Variants in FKBP15 observed in about 807,000 individuals in gnomAD.
FKBP15 encodes FKBP prolyl isomerase family member 15, also known as FK506-binding protein 15.
FKBP15 carries 106 observed loss-of-function variants against 158.1 expected under a neutral mutation model. The observed-to-expected ratio is 0.67, with a 90% CI of 0.57 to 0.79. The LOEUF (loss-of-function observed/expected upper bound fraction) is 0.79. Among genes scored for constraint, FKBP15 ranks in the 30% least tolerant of loss-of-function variants. The pLI, the probability that FKBP15 is intolerant of heterozygous loss-of-function variation, is 0.00. For missense variants in FKBP15, 1,287 were observed against 1,479.1 expected, an observed-to-expected ratio of 0.87 and a Z score of 2.13; for synonymous variants, 547 against 548.6, an observed-to-expected ratio of 1.00 and a Z score of 0.04.
At position 113,206,536 on chromosome 9, in the gene FKBP15, T is replaced by C. The variant is rs751270172; in HGVS notation, c.297A>G (p.Ala99=). 1 of 1,613,952 alleles carries C rather than the reference T, an allele frequency of 6.2e-7. No individual in the cohort carries two copies. Among genetic ancestry groups the C allele is most frequent in the South Asian group, 1.1e-5 (1 of 91,076 alleles). ...CTCTGGCTGTGTGGTTCCCCAGAAC[T>C]GCAGCACCAAATTTGCCCTGCTTTA... ...QYVKQGKFGA[A]VLGNHTAREY... The change falls in exon 4 of 28, where the codon GCA becomes GCG. Residue 99 remains alanine, a synonymous_variant. Transcript: ENST00000238256.
At chr9:113,207,845 A>C (rs571522817) in intron 2 of FKBP15, among the ~76,000 whole-genome samples, 7 of 152,294 alleles carry the variant, frequency 4.6e-5, no homozygotes, top group Admixed American at 1.3e-4. Flanking sequence ...CCATGACTCC[A>C]ACTCCCAACC....
intron 15 of FKBP15, 99 bp downstream of exon 15, chr9:113,186,150 A>C (rs1830481191): frequency 2.6e-6 from 2 of 757,396 alleles, no homozygotes; most frequent in East Asian, 2.7e-5. Flanking sequence ...GAGAAGAAAC[A>C]ATGAGTAGAG....
chr9:113,216,945 G>A (rs1221439743), intron 1 of FKBP15, among the ~76,000 whole-genome samples: 3 of 142,762 alleles, frequency 2.1e-5, no homozygotes, highest in East Asian at 2.0e-4. Flanking sequence ...TGCTCTTGGC[G>A]TCCAGGCTGG....
intron 1 of FKBP15, among the ~76,000 whole-genome samples, chr9:113,219,704 T>C (rs921610567): frequency 2.6e-5 from 4 of 152,326 alleles, no homozygotes; most frequent in Admixed American, 2.6e-4. Flanking sequence ...TGTCATTACC[T>C]ATCCCATAAT....
Position 113,190,585 on chromosome 9 carries a change from A to G in FKBP15, c.1066-7T>C. 1 of 1,599,300 alleles carries G rather than the reference A, an allele frequency of 6.3e-7. No homozygotes were observed. Among genetic ancestry groups the G allele is most frequent in the Non-Finnish European group, 8.5e-7 (1 of 1,171,810 alleles). ...CTTTGACTGCATCGGGACTCTAAAA[A>G]GAGAGGAAAGTCACAAAAATCACTG... On this transcript the variant is annotated splice_polypyrimidine_tract_variant and splice_region_variant and intron_variant, in intron 11 of 27. Transcript: ENST00000238256.
chr9:113,176,295 T>C (rs1587953368), intron 21 of FKBP15, among the ~76,000 whole-genome samples: 1 of 152,196 alleles, frequency 6.6e-6, no homozygotes, highest in Non-Finnish European at 1.5e-5. Context: ...TACATACATG[T>C]ATGTGTGTGA....
chr9:113,198,666 C>T lies in FKBP15; in HGVS notation c.717+189G>A, dbSNP rs1350894356. 3.3e-5 allele frequency among the ~76,000 whole-genome samples: 5 copies of T among 152,154 alleles called. No homozygotes were observed. Among genetic ancestry groups the T allele is most frequent in the Admixed American group, 1.3e-4 (2 of 15,276 alleles). On this transcript the variant is annotated intron_variant, in intron 8 of 27. Coordinates refer to ENST00000238256, the MANE Select transcript of FKBP15 (RefSeq NM_015258.2). The surrounding 1 kb of genome is among the most constrained non-coding windows in gnomAD (Gnocchi z 5.2). ...ACTAGGGAGGCTGAGGCAGGAGAATCGCTTGAACCTGGGAGGTGGAGGTTG... is the reference window on the plus strand; with the variant it reads ...ACTAGGGAGGCTGAGGCAGGAGAATTGCTTGAACCTGGGAGGTGGAGGTTG...
At position 113,162,804 on chromosome 9, in the gene FKBP15, G is replaced by T; in HGVS notation, c.*3274C>A. 6.2e-7 allele frequency: 1 copy of T among 1,613,606 alleles called. No homozygotes were observed. The highest frequency in any genetic ancestry group is 8.5e-7 in the Non-Finnish European group (1 of 1,179,752). On this transcript the variant is annotated 3_prime_UTR_variant, in exon 28 of 28. Transcript: ENST00000238256. ...AATCCATGTCATCCAGGTGGTCATCGGCTACTTCATCATGCTGGCCGTAAT... is the reference window on the plus strand; with the variant it reads ...AATCCATGTCATCCAGGTGGTCATCTGCTACTTCATCATGCTGGCCGTAAT...
At position 113,168,633 on chromosome 9, in the gene FKBP15, C is replaced by G. The variant is rs576297117; in HGVS notation, c.3486-77G>C. 223 of 1,268,444 alleles carry G rather than the reference C, an allele frequency of 1.8e-4. 6 individuals are homozygous for G. In the South Asian group the frequency reaches 2.3e-3, roughly 13 times the overall value. The allele number at this position is 1,268,444 out of a possible 1,614,324, so 78.6% of individuals were successfully genotyped here. ...AGTACCCACCACCTACAAGGGTCAC[C>G]GGCCCTTGGGTAAGAATTCAACAGC... On this transcript the variant is annotated intron_variant, in intron 26 of 27. Coordinates refer to ENST00000238256, the MANE Select transcript of FKBP15 (RefSeq NM_015258.2).
At chr9:113,204,572 A>G (rs993451303) in intron 4 of FKBP15, among the ~76,000 whole-genome samples, 10 of 152,186 alleles carry the variant, frequency 6.6e-5, no homozygotes, top group Non-Finnish European at 2.9e-5. Context: ...TCAGTACTTT[A>G]AAGATATAAT....
chr9:113,192,496 T>C (rs1043164640), intron 11 of FKBP15, among the ~76,000 whole-genome samples: 2 of 152,164 alleles, frequency 1.3e-5, no homozygotes, highest in African/African-American at 2.4e-5. Flanking sequence ...CTTAAAGGCA[T>C]TCAAATCCAG....
Position 113,176,691 on chromosome 9 carries a change from A to T in FKBP15, c.2087-18T>A. The T allele has an allele frequency of 1.2e-6, 2 of 1,606,908 alleles. No individual in the cohort carries two copies. The highest frequency in any genetic ancestry group is 1.7e-6 in the Non-Finnish European group (2 of 1,175,880). On this transcript the variant is annotated intron_variant, in intron 20 of 27. Coordinates refer to ENST00000238256, the MANE Select transcript of FKBP15 (RefSeq NM_015258.2). ...TTGGAGCTCTGGGATACAGGAGCAG[A>T]GAGACTTCGCTACAGAACCAAAGCT...
intron 5 of FKBP15, 101 bp downstream of exon 5, chr9:113,202,860 G>A: frequency 2.0e-6 from 2 of 1,001,370 alleles, no homozygotes; most frequent in Non-Finnish European, 3.0e-6. Flanking sequence ...GACACCCAGG[G>A]CTGAACCAGT....
At chr9:113,169,028 CAGGGCCCGCCACACTACTGT>C (rs1164366010) in intron 26 of FKBP15, among the ~76,000 whole-genome samples, 176 bp downstream of exon 26, 21 of 150,878 alleles carry the variant, frequency 1.4e-4, no homozygotes, top group African/African-American at 4.9e-4. Context: ...CACACTACCA[CAGGGCCCGCCACACTACTGT>C]AGGGCCCGCC....
intron 25 of FKBP15, among the ~76,000 whole-genome samples, chr9:113,170,242 C>T (rs1228355961): frequency 6.6e-6 from 1 of 152,088 alleles, no homozygotes; most frequent in Non-Finnish European, 1.5e-5. Flanking sequence ...TCTCCTGCCT[C>T]AGCCTCCCAA....
chr9:113,220,665 G>T (rs779976136), intron 1 of FKBP15, among the ~76,000 whole-genome samples: 5 of 152,162 alleles, frequency 3.3e-5, no homozygotes, highest in Non-Finnish European at 7.3e-5. Flanking sequence ...ATAGGTGCGG[G>T]GTATAAGAAT....
chr9:113,161,314 T>G lies in FKBP15; in HGVS notation c.*4764A>C. 1 of 585,066 alleles carries G rather than the reference T, an allele frequency of 1.7e-6. No homozygotes were observed. The highest frequency in any genetic ancestry group is 2.3e-5 in the South Asian group (1 of 44,036). The allele number at this position is 585,066 out of a possible 1,614,324, so 36.2% of individuals were successfully genotyped here. ...GCCCCTGGATTTTTCAGGTGGCTTC[T>G]CTTCCTGATCTCAAAGCCACACTCC... is the stretch of plus-strand genomic sequence containing the variant. On this transcript the variant is annotated 3_prime_UTR_variant, in exon 28 of 28. Transcript: ENST00000238256.
intron 1 of FKBP15, among the ~76,000 whole-genome samples, chr9:113,220,664 G>A (rs1314588930): frequency 6.6e-6 from 1 of 152,208 alleles, no homozygotes; most frequent in African/African-American, 2.4e-5. Flanking sequence ...AATAGGTGCG[G>A]GGTATAAGAA....
rs755516230 is a variant in FKBP15, at chr9:113,184,851, G to A, written c.1499-47C>T. 1.4e-6 allele frequency: 2 copies of A among 1,413,480 alleles called. No individual in the cohort carries two copies. Among genetic ancestry groups the A allele is most frequent in the South Asian group, 2.5e-5 (2 of 81,086 alleles). 87.6% of individuals were successfully genotyped at this position (1,413,480 alleles called of 1,614,324 possible). A position where few individuals can be genotyped will look rare whatever the true frequency, so the allele number is the denominator to read the frequency against. Reference sequence around the variant, plus strand: ...AGAAACTTATGAAACTGGAGCAGAGGAAACTGTATGAAGAAAAGCTAGTAG... The same window carrying A: ...AGAAACTTATGAAACTGGAGCAGAGAAAACTGTATGAAGAAAAGCTAGTAG... On this transcript the variant is annotated intron_variant, in intron 15 of 27. Coordinates refer to ENST00000238256, the MANE Select transcript of FKBP15 (RefSeq NM_015258.2). This position sits in a 1 kb window ranked among gnomAD's most constrained non-coding sequence, Gnocchi z 4.5.
Sources: allele counts gnomAD v4.1 joint callset (sites outside exome capture counted in the v4.1 genomes callset), GRCh38; gene constraint gnomAD v4.1.1; non-coding constraint Gnocchi (gnomAD v3.1); transcripts MANE v1.5; gene names NCBI Gene and HGNC (gene_info 2026-07-23, HGNC 2026-07-21).